The following LAMB1 variants were observed in gnomAD, a reference collection of about 807,000 sequenced individuals.
LAMB1 encodes laminin subunit beta 1, also known as laminin subunit beta-1.
Under a neutral mutation model 222.3 loss-of-function variants are expected in LAMB1, and 121 were observed. The observed-to-expected ratio is 0.54, with a 90% CI of 0.47 to 0.63. LAMB1 has a LOEUF of 0.63. LAMB1 is among the 30% of genes least tolerant of loss of function. The pLI, the probability that LAMB1 is intolerant of heterozygous loss-of-function variation, is 0.00. For synonymous variants in LAMB1, 794 were observed against 807.2 expected, an observed-to-expected ratio of 0.98 and a Z score of 0.28; for missense variants, 2,172 against 2,240.8, an observed-to-expected ratio of 0.97 and a Z score of 0.62.
Position 107,986,433 on chromosome 7 carries a change from A to G in LAMB1, c.424-70T>C, listed in dbSNP as rs904391778. 4 of 1,356,054 alleles carry G rather than the reference A, an allele frequency of 2.9e-6. No individual in the cohort carries two copies. The African/African-American group carries it at 4.4e-5, about 15-fold the overall frequency. 84.0% of individuals were successfully genotyped at this position (1,356,054 alleles called of 1,614,324 possible). A position where few individuals can be genotyped will look rare whatever the true frequency, so the allele number is the denominator to read the frequency against. On this transcript the variant is annotated intron_variant, in intron 5 of 33. Coordinates refer to ENST00000222399, the MANE Select transcript of LAMB1 (RefSeq NM_002291.3). ...GTCTCTACTTTTTTTAATCTCAGGT[A>G]AAAATGTCACTCAACTGCATGCCAC...
At chr7:107,959,131 T>G in intron 20 of LAMB1, 118 bp downstream of exon 20, 1 of 768,594 alleles carries the variant, frequency 1.3e-6, no homozygotes, top group Non-Finnish European at 2.2e-6. Flanking sequence ...AATAGTGAGG[T>G]GGTCAGAAAT....
In LAMB1 at chr7:107,959,366, T is replaced by C. The variant is rs1376137115; in HGVS notation, c.2573A>G (p.His858Arg). The C allele has an allele frequency of 6.2e-7, 1 of 1,614,208 alleles. No individual in the cohort carries two copies. Among genetic ancestry groups the C allele is most frequent in the Non-Finnish European group, 8.5e-7 (1 of 1,180,036 alleles). ...ARQCDRCLPGHWGFPSCQPCQ... is the reference protein window; with the variant it reads ...ARQCDRCLPGRWGFPSCQPCQ... Reference sequence around the variant, plus strand: ...GGGCTGGCAACTTGGAAAGCCCCAGTGCCCAGGTAAGCACCGATCACACTG... The same window carrying C: ...GGGCTGGCAACTTGGAAAGCCCCAGCGCCCAGGTAAGCACCGATCACACTG... Residue 858 changes from histidine to arginine, a missense_variant, in exon 20 of 34, where the codon CAC becomes CGC. His to Arg is a conservative substitution (Grantham distance 29, BLOSUM62 0). Transcript: ENST00000222399.
intron 19 of LAMB1, 27 bp from the exon 20 acceptor site, chr7:107,959,507 G>C (rs548650388): frequency 6.2e-7 from 1 of 1,612,052 alleles, no homozygotes; most frequent in South Asian, 1.1e-5. Context: ...ACAAGGAACT[G>C]CCTTGAGAAA....
At chr7:107,959,618 G>A (rs1420104184) in intron 19 of LAMB1, 73 bp downstream of exon 19, 9 of 1,613,520 alleles carry the variant, frequency 5.6e-6, no homozygotes, top group African/African-American at 1.3e-5. Context: ...CATCGGCTCT[G>A]CAGCAATGGA....
At position 107,959,597 on chromosome 7, in the gene LAMB1, C is replaced by G. The variant is rs1488829350; in HGVS notation, c.2458+94G>C. 1.9e-6 allele frequency: 3 copies of G among 1,611,880 alleles called. No homozygotes were observed. The African/African-American group carries it at 4.0e-5, about 22-fold the overall frequency. Reference sequence around the variant, plus strand: ...GCTCATGGGTTGGTGTGATCAACTTCAGGAGGGAAGCATCGGCTCTGCAGC... The same window carrying G: ...GCTCATGGGTTGGTGTGATCAACTTGAGGAGGGAAGCATCGGCTCTGCAGC... On this transcript the variant is annotated intron_variant, in intron 19 of 33. Coordinates refer to ENST00000222399, the MANE Select transcript of LAMB1 (RefSeq NM_002291.3).
chr7:107,950,959 T>C (rs1485064393), intron 24 of LAMB1: 6 of 359,360 alleles, frequency 1.7e-5, no homozygotes, highest in Non-Finnish European at 2.0e-5. Context: ...TGTGTGTGTG[T>C]GTGCTTACAC....
Position 107,924,409 on chromosome 7 carries a change from C to T in LAMB1, c.5065-20G>A. On this transcript the variant is annotated intron_variant, in intron 32 of 33. Coordinates refer to ENST00000222399, the MANE Select transcript of LAMB1 (RefSeq NM_002291.3). ...TAAAGTCTATAGTTCCACATTTAGA[C>T]AGAAAGAAGTGGTAATGTTAGTGTC... 1 of 1,573,210 alleles carries T rather than the reference C, an allele frequency of 6.4e-7. No individual in the cohort carries two copies. The highest frequency in any genetic ancestry group is 8.7e-7 in the Non-Finnish European group (1 of 1,155,752).
At chr7:107,948,115 T>A (rs2033159343) in intron 24 of LAMB1, among the ~76,000 whole-genome samples, 1 of 150,822 alleles carries the variant, frequency 6.6e-6, no homozygotes, top group Non-Finnish European at 1.5e-5. Context: ...GCCTCCCAAG[T>A]AGCTGGGATT....
At chr7:107,998,638 G>T (rs1265537547) in intron 3 of LAMB1, 146 bp from the exon 4 acceptor site, 2 of 631,576 alleles carry the variant, frequency 3.2e-6, no homozygotes, top group African/African-American at 1.8e-5. Context: ...TAGGAGATTT[G>T]TATCACATCT....
At chr7:107,982,332 A>G (rs1370758395) in intron 7 of LAMB1, among the ~76,000 whole-genome samples, 1 of 152,236 alleles carries the variant, frequency 6.6e-6, no homozygotes, top group African/African-American at 2.4e-5. Flanking sequence ...ATTACAACAT[A>G]AGACAACAGG....
rs570939584 is a variant in LAMB1 at position 107,949,238 on chromosome 7, T to C, written c.3391+1988A>G. ...TAGAGGCGAAAGTTTAAAGAAAAGA[T>C]AAAAGGGTAAGGAGTAAAGTTCTAA... On this transcript the variant is annotated intron_variant, in intron 24 of 33. Coordinates refer to ENST00000222399, the MANE Select transcript of LAMB1 (RefSeq NM_002291.3). Among the ~76,000 whole-genome samples, 11 of 152,270 alleles carry C rather than the reference T, an allele frequency of 7.2e-5. No homozygotes were observed. In the East Asian group the frequency reaches 2.1e-3, roughly 29 times the overall value.
chr7:107,978,361 A>G (rs1377491614), intron 8 of LAMB1, among the ~76,000 whole-genome samples, 194 bp from the exon 9 acceptor site: 1 of 152,074 alleles, frequency 6.6e-6, no homozygotes, highest in African/African-American at 2.4e-5. Context: ...TACATGCCTC[A>G]TCTCTAGAAT....
At chr7:107,970,738 T>G (rs2033732688) in intron 13 of LAMB1, among the ~76,000 whole-genome samples, 1 of 152,020 alleles carries the variant, frequency 6.6e-6, no homozygotes, top group Non-Finnish European at 1.5e-5. Flanking sequence ...TTATTATTTT[T>G]TTTTTTTCTT....
intron 3 of LAMB1, 112 bp downstream of exon 3, chr7:108,001,446 C>G: frequency 2.4e-6 from 3 of 1,242,766 alleles, no homozygotes; most frequent in Non-Finnish European, 3.3e-6. Context: ...CCCCGGCTGG[C>G]TGCGCTTCCT....
chr7:107,964,731 C>T lies in LAMB1; in HGVS notation c.1563-44G>A, dbSNP rs368098413. 154 of 1,603,954 alleles carry T rather than the reference C, an allele frequency of 9.6e-5. 1 individual carries two copies. In the East Asian group the frequency reaches 1.0e-3, roughly 11 times the overall value. ...CACATCAGCTGAGTTCATGGTCACG[C>T]GAGTCAACCCGCCAGAAGCAGCTCT... is the stretch of plus-strand genomic sequence containing the variant. On this transcript the variant is annotated intron_variant, in intron 13 of 33. Transcript: ENST00000222399.
chr7:108,001,738 G>A lies in LAMB1; in HGVS notation c.38-5C>T, dbSNP rs1584548521. The A allele has an allele frequency of 2.5e-6, 4 of 1,612,346 alleles. No individual in the cohort carries two copies. Among genetic ancestry groups the A allele is most frequent in the East Asian group, 2.2e-5 (1 of 44,830 alleles). On this transcript the variant is annotated splice_polypyrimidine_tract_variant and splice_region_variant and intron_variant, in intron 2 of 33. Transcript: ENST00000222399. ...GCACTCGGGCTCTGCACAGGGCTGC[G>A]GGAAGGACAGGCAACAGAGTTGGGG...
intron 7 of LAMB1, among the ~76,000 whole-genome samples, chr7:107,982,063 T>C (rs1411528131): frequency 6.6e-6 from 1 of 152,216 alleles, no homozygotes; most frequent in African/African-American, 2.4e-5. Flanking sequence ...AAATACAAGT[T>C]ACCTCTAAAT....
intron 8 of LAMB1, among the ~76,000 whole-genome samples, chr7:107,980,310 G>A (rs1162584388): frequency 6.6e-6 from 1 of 151,980 alleles, no homozygotes; most frequent in Non-Finnish European, 1.5e-5. Context: ...AGACTCAATT[G>A]TTATTTAGAC....
intron 25 of LAMB1, among the ~76,000 whole-genome samples, chr7:107,938,416 AT>A (rs34769126): frequency 0.33 from 50,445 of 151,932 alleles, 9,216 homozygotes; most frequent in Non-Finnish European, 0.41. Context: ...AAATGATACA[AT>A]TTTTTTTAAA....
Sources: gnomAD v4.1 joint callset for allele counts (sites outside exome capture counted in the v4.1 genomes callset) on GRCh38, gnomAD v4.1.1 for gene constraint, MANE v1.5 for transcripts, NCBI Gene and HGNC (gene_info 2026-07-23, HGNC 2026-07-21) for gene names.